TMTC3: variants seen among roughly 807,000 people sequenced by gnomAD.
TMTC3 encodes the protein transmembrane O-mannosyltransferase targeting cadherins 3, also known as protein O-mannosyl-transferase TMTC3.
TMTC3 carries 52 observed loss-of-function variants against 92.2 expected under a neutral mutation model. That is an observed-to-expected ratio of 0.56 (90% confidence interval 0.45 to 0.71). The LOEUF is 0.71. Ranked by LOEUF, TMTC3 falls within the 30% of genes least tolerant of loss-of-function variation. TMTC3 has a pLI of 0.00. For missense variants in TMTC3, 896 were observed against 1,057.1 expected, an observed-to-expected ratio of 0.85 and a Z score of 2.11; for synonymous variants, 339 against 363.3, an observed-to-expected ratio of 0.93 and a Z score of 0.76.
rs777783815 is a variant in TMTC3, at chr12:88,195,093, G to A, written c.2189G>A (p.Arg730Lys). The A allele has an allele frequency of 3.1e-6, 5 of 1,613,792 alleles. No individual in the cohort carries two copies. The Admixed American group carries it at 6.7e-5, about 22-fold the overall frequency. The part of the protein sequence containing the change: ...KALPILEELL[R>K]YYPDHIKGLI... ...TTGCCAATTTTGGAGGAGTTACTCAGATACTACCCTGATCATATCAAGGGC... is the reference window on the plus strand; with the variant it reads ...TTGCCAATTTTGGAGGAGTTACTCAAATACTACCCTGATCATATCAAGGGC... The change falls in exon 14 of 14, where the codon AGA becomes AAA. Residue 730 changes from arginine to lysine, a missense_variant. Arg to Lys is a conservative substitution (Grantham distance 26). Coordinates refer to ENST00000266712, the MANE Select transcript of TMTC3 (RefSeq NM_181783.4).
chr12:88,192,770 G>A lies in TMTC3; in HGVS notation c.1873G>A (p.Glu625Lys). Residue 625 changes from glutamate (E) to lysine (K), a missense_variant, in exon 13 of 14, where the codon GAA becomes AAA. Transcript: ENST00000266712. Reference sequence around the variant, plus strand: ...CCTAAAAAACTTTAATCGTGCTCTGGAACTAAATCCAAAGCATAAACTAGC... The same window carrying A: ...CCTAAAAAACTTTAATCGTGCTCTGAAACTAAATCCAAAGCATAAACTAGC... ...EALKNFNRALELNPKHKLALF... is the reference protein window; with the variant it reads ...EALKNFNRALKLNPKHKLALF... 6.2e-7 allele frequency: 1 copy of A among 1,613,240 alleles called. No homozygotes were observed. The highest frequency in any genetic ancestry group is 1.1e-5 in the South Asian group (1 of 91,042).
Position 88,199,231 on chromosome 12 carries a change from G to A in TMTC3, c.*3582G>A, listed in dbSNP as rs746363649. 3.3e-5 allele frequency: 5 copies of A among 152,028 alleles called. No individual in the cohort carries two copies. The highest frequency in any genetic ancestry group is 3.4e-3 in the Middle Eastern group (1 of 294). The allele number at this position is 152,028 out of a possible 1,614,324, so 9.4% of individuals were successfully genotyped here. ...ACAACTCAGACTTGGAATTTTATAC[G>A]AATTTCATTTCTATATGTGCCTGGT... On this transcript the variant is annotated 3_prime_UTR_variant, in exon 14 of 14. Transcript: ENST00000266712.
chr12:88,165,723 C>G (rs764417380), intron 6 of TMTC3, among the ~76,000 whole-genome samples: 6 of 152,014 alleles, frequency 3.9e-5, no homozygotes, highest in African/African-American at 2.4e-5. Flanking sequence ...GAAAGTAGAA[C>G]ACAAATTCTT....
intron 1 of TMTC3, among the ~76,000 whole-genome samples, chr12:88,147,894 G>T (rs1330398725): frequency 1.3e-5 from 2 of 152,242 alleles, no homozygotes; most frequent in African/African-American, 2.4e-5. Context: ...GTAGAAAAGG[G>T]ATGGAGGGTC....
At chr12:88,170,625 A>G (rs967772684) in intron 7 of TMTC3, among the ~76,000 whole-genome samples, 5 of 152,156 alleles carry the variant, frequency 3.3e-5, no homozygotes, top group African/African-American at 1.2e-4. Flanking sequence ...CAATGTATAC[A>G]CCTCTATATT....
chr12:88,174,564 A>T, intron 8 of TMTC3, 43 bp from the exon 9 acceptor site: 1 of 1,584,478 alleles, frequency 6.3e-7, no homozygotes, highest in Non-Finnish European at 8.5e-7. Context: ...GCTTTTGGTG[A>T]TGAAGACAAT....
intron 10 of TMTC3, among the ~76,000 whole-genome samples, chr12:88,181,657 G>A (rs1391350777): frequency 2.6e-5 from 4 of 152,152 alleles, no homozygotes; most frequent in African/African-American, 7.2e-5. Context: ...AGGTGGGCTC[G>A]AGAGTGGACT....
intron 10 of TMTC3, among the ~76,000 whole-genome samples, chr12:88,182,757 A>G (rs1364032485): frequency 6.6e-6 from 1 of 152,332 alleles, no homozygotes; most frequent in Non-Finnish European, 1.5e-5. Flanking sequence ...CCTGATTTAC[A>G]TGATACTGAC....
At chr12:88,192,547 A>G (rs1413459177) in intron 12 of TMTC3, 57 bp from the exon 13 acceptor site, 2 of 1,360,900 alleles carry the variant, frequency 1.5e-6, no homozygotes, top group Non-Finnish European at 1.0e-6. Flanking sequence ...CAAAAATTGT[A>G]TCTACAAACT....
chr12:88,154,307 G>T lies in TMTC3; in HGVS notation c.428G>T (p.Arg143Ile). The change falls in exon 4 of 14, where the codon AGA (arginine) becomes ATA (isoleucine). Residue 143 changes from arginine (R) to isoleucine (I), a missense_variant. Coordinates refer to ENST00000266712, the MANE Select transcript of TMTC3 (RefSeq NM_181783.4). ...TTCTAGGTAACAGGAGTTGTTGGAA[G>T]AGCAGAACTTTTGTCATCTATCTTT... ...HTEAVTGVVG[R>I]AELLSSIFFL... 1 of 1,606,588 alleles carries T rather than the reference G, an allele frequency of 6.2e-7. No individual in the cohort carries two copies. Among genetic ancestry groups the T allele is most frequent in the South Asian group, 1.1e-5 (1 of 89,502 alleles).
intron 4 of TMTC3, among the ~76,000 whole-genome samples, chr12:88,157,433 T>G (rs543638508): frequency 6.6e-6 from 1 of 152,128 alleles, no homozygotes; most frequent in South Asian, 2.1e-4. Context: ...TGATCCAATT[T>G]CAGGGCTTTA....
intron 1 of TMTC3, 30 bp from the exon 2 acceptor site, chr12:88,148,258 C>G: frequency 1.4e-6 from 2 of 1,406,392 alleles, no homozygotes; most frequent in Non-Finnish European, 2.0e-6. Flanking sequence ...AAATATGTTC[C>G]TTATTTTATC....
At chr12:88,179,208 G>A (rs753443739) in intron 10 of TMTC3, among the ~76,000 whole-genome samples, 3 of 152,014 alleles carry the variant, frequency 2.0e-5, no homozygotes, top group Non-Finnish European at 4.4e-5. Context: ...CTTATTCCAT[G>A]TTTTTTTAAG....
Position 88,196,351 on chromosome 12 carries a change from G to GTT in TMTC3, c.*704_*705dup, listed in dbSNP as rs1345040789. 1 of 151,288 alleles carries GTT rather than the reference G, an allele frequency of 6.6e-6. No homozygotes were observed. Among genetic ancestry groups the GTT allele is most frequent in the Admixed American group, 6.6e-5 (1 of 15,156 alleles). The allele number at this position is 151,288 out of a possible 1,614,324, so 9.4% of individuals were successfully genotyped here. On this transcript the variant is annotated 3_prime_UTR_variant, in exon 14 of 14. Transcript: ENST00000266712. Reference sequence around the variant, plus strand: ...GCTCATATATACTGTATTTTTTGTTGTTTAGTTTTACTTATTGAGAGTGTC... The same window carrying GTT: ...GCTCATATATACTGTATTTTTTGTTGTTTTTAGTTTTACTTATTGAGAGTGTC...
At chr12:88,153,975 T>C (rs1171316402) in intron 3 of TMTC3, among the ~76,000 whole-genome samples, 1 of 152,068 alleles carries the variant, frequency 6.6e-6, no homozygotes, top group Non-Finnish European at 1.5e-5. Flanking sequence ...TATTCTACCA[T>C]ATTTACGTGG....
At chr12:88,149,716 G>A (rs1209129778) in intron 2 of TMTC3, among the ~76,000 whole-genome samples, 1 of 152,092 alleles carries the variant, frequency 6.6e-6, no homozygotes, top group Non-Finnish European at 1.5e-5. Context: ...CTCAAGGTTA[G>A]GGATGGAATC....
intron 6 of TMTC3, among the ~76,000 whole-genome samples, chr12:88,161,483 G>A (rs927670316): frequency 6.6e-6 from 1 of 151,836 alleles, no homozygotes; most frequent in East Asian, 1.9e-4. Context: ...ATACAATTTG[G>A]TCTTCTTTTG....
At chr12:88,187,403 C>G (rs2041390092) in intron 10 of TMTC3, among the ~76,000 whole-genome samples, 1 of 152,050 alleles carries the variant, frequency 6.6e-6, no homozygotes, top group Non-Finnish European at 1.5e-5. Flanking sequence ...TTGCAGATTT[C>G]ATTTCTGAAC....
In TMTC3 at chr12:88,195,473, C is replaced by A. The variant is rs933287751; in HGVS notation, c.2569C>A (p.Gln857Lys). ...KEIRGESRQT[Q>K]IVKTSDNKSQ... Reference sequence around the variant, plus strand: ...AATTAGAGGTGAATCCAGACAAACACAAATAGTAAAAACAAGTGATAATAA... The same window carrying A: ...AATTAGAGGTGAATCCAGACAAACAAAAATAGTAAAAACAAGTGATAATAA... Residue 857 changes from glutamine (Q) to lysine (K), a missense_variant, in exon 14 of 14, where the codon CAA (glutamine) becomes AAA (lysine). Transcript: ENST00000266712. 2 of 1,612,298 alleles carry A rather than the reference C, an allele frequency of 1.2e-6. No individual in the cohort carries two copies. Among genetic ancestry groups the A allele is most frequent in the Non-Finnish European group, 1.7e-6 (2 of 1,179,532 alleles).
Sources: allele counts gnomAD v4.1 joint callset (sites outside exome capture counted in the v4.1 genomes callset), GRCh38; gene constraint gnomAD v4.1.1; transcripts MANE v1.5; gene names NCBI Gene and HGNC (gene_info 2026-07-23, HGNC 2026-07-21).